The following SLCO3A1 variants were observed in gnomAD, a reference collection of about 807,000 sequenced individuals.
SLCO3A1 encodes PGE1 transporter.
In SLCO3A1, 27 loss-of-function variants were observed where a neutral mutation model predicts 63.1. The ratio of observed to expected loss-of-function variants is 0.43; its 90% confidence interval spans 0.32 to 0.59. The LOEUF is 0.59. SLCO3A1 is among the 20% of genes least tolerant of loss of function. SLCO3A1 has a pLI of 0.09. For missense variants in SLCO3A1, 773 were observed against 945.8 expected, an observed-to-expected ratio of 0.82 and a Z score of 2.40; for synonymous variants, 473 against 409.9, an observed-to-expected ratio of 1.15 and a Z score of -1.86.
At chr15:91,874,483 C>T (rs1377566241) in intron 1 of SLCO3A1, among the ~76,000 whole-genome samples, 2 of 152,196 alleles carry the variant, frequency 1.3e-5, no homozygotes, top group Non-Finnish European at 2.9e-5. Flanking sequence ...ACCCTAGGGC[C>T]TCATATACAG....
At chr15:92,056,698 G>A (rs974145506) in intron 2 of SLCO3A1, among the ~76,000 whole-genome samples, 4 of 152,094 alleles carry the variant, frequency 2.6e-5, no homozygotes, top group Admixed American at 6.6e-5. Flanking sequence ...GACCTTCACC[G>A]CTCTACCTTC....
chr15:92,071,816 G>A (rs185224349), intron 2 of SLCO3A1, among the ~76,000 whole-genome samples: 16 of 152,352 alleles, frequency 1.1e-4, no homozygotes, highest in African/African-American at 3.8e-4. Flanking sequence ...AGGCGGCTGT[G>A]TCTGTGTTTG....
intron 1 of SLCO3A1, chr15:91,889,045 ACCT>A: frequency 2.9e-6 from 2 of 701,320 alleles, no homozygotes; most frequent in Non-Finnish European, 3.8e-6. Flanking sequence ...AAAAAAAAAA[ACCT>A]ACAATTATTA....
intron 1 of SLCO3A1, among the ~76,000 whole-genome samples, chr15:91,914,142 T>C (rs1182790417): frequency 1.3e-5 from 2 of 152,154 alleles, no homozygotes; most frequent in African/African-American, 2.4e-5. Flanking sequence ...TTATCCCCCT[T>C]TTACAGATGG....
At chr15:91,998,933 A>G (rs1216809147) in intron 2 of SLCO3A1, among the ~76,000 whole-genome samples, 1 of 152,242 alleles carries the variant, frequency 6.6e-6, no homozygotes, top group Non-Finnish European at 1.5e-5. Context: ...ATGTGCATAT[A>G]CATCATAGAA....
At chr15:92,042,893 G>GTTTT (rs2046816447) in intron 2 of SLCO3A1, among the ~76,000 whole-genome samples, 1 of 152,102 alleles carries the variant, frequency 6.6e-6, no homozygotes, top group African/African-American at 2.4e-5. Flanking sequence ...TAGGCCATAG[G>GTTTT]AAGTCATCAG....
In SLCO3A1 at chr15:92,165,749, G is replaced by T; in HGVS notation, c.*2614G>T. 1 of 984,264 alleles carries T rather than the reference G, an allele frequency of 1.0e-6. No homozygotes were observed. Among genetic ancestry groups the T allele is most frequent in the Non-Finnish European group, 1.2e-6 (1 of 829,478 alleles). The allele number at this position is 984,264 out of a possible 1,614,324, so 61.0% of individuals were successfully genotyped here. On this transcript the variant is annotated 3_prime_UTR_variant, in exon 10 of 10. Transcript: ENST00000318445. ...AGAAAACTCAGTCTAGTTTTAATTT[G>T]CCTTTTGTGCTCTAAAGAAGCATTG...
chr15:92,147,287 C>A, intron 8 of SLCO3A1, 128 bp downstream of exon 8: 2 of 865,546 alleles, frequency 2.3e-6, no homozygotes, highest in Non-Finnish European at 3.6e-6. Flanking sequence ...CAGCAAGGAG[C>A]GCAGCTTCTC....
chr15:92,003,517 A>G (rs2046279508), intron 2 of SLCO3A1, among the ~76,000 whole-genome samples: 1 of 152,218 alleles, frequency 6.6e-6, no homozygotes, highest in Non-Finnish European at 1.5e-5. Flanking sequence ...AGGATGTCTC[A>G]TCAGTGGACA....
intron 2 of SLCO3A1, among the ~76,000 whole-genome samples, chr15:91,921,293 C>G (rs1898835732): frequency 6.6e-6 from 1 of 152,180 alleles, no homozygotes; most frequent in African/African-American, 2.4e-5. Flanking sequence ...TTAAACCCAC[C>G]CATATTAGCT....
At position 91,854,095 on chromosome 15, in the gene SLCO3A1, CCCCG is replaced by C; in HGVS notation, c.180+8_180+11del. The C allele has an allele frequency of 1.3e-6, 2 of 1,500,336 alleles. No individual in the cohort carries two copies. The highest frequency in any genetic ancestry group is 1.8e-6 in the Non-Finnish European group (2 of 1,119,886). The allele number at this position is 1,500,336 out of a possible 1,614,324, so 92.9% of individuals were successfully genotyped here. ...CACGGTGGGCGCCTACCTGGTGAGT[CCCCG>C]AGCCAACTCCGCCGCGGGCCCCTTC... On this transcript the variant is annotated splice_region_variant and intron_variant, in intron 1 of 9. Transcript: ENST00000318445. This position sits in a 1 kb window ranked among gnomAD's most constrained non-coding sequence, Gnocchi z 6.4.
Position 91,915,897 on chromosome 15 carries a change from C to A in SLCO3A1, c.181-96C>A, listed in dbSNP as rs1007717110. Reference sequence around the variant, plus strand: ...CACCGGAGGCCAGGTGGGAGGGTCCCGGGGGGGATGGGCAGAGCGCACTGT... The same window carrying A: ...CACCGGAGGCCAGGTGGGAGGGTCCAGGGGGGGATGGGCAGAGCGCACTGT... On this transcript the variant is annotated intron_variant, in intron 1 of 9. Transcript: ENST00000318445. 42 of 1,076,476 alleles carry A rather than the reference C, an allele frequency of 3.9e-5. No homozygotes were observed. In the African/African-American group the frequency reaches 6.6e-4, roughly 17 times the overall value. 66.7% of individuals were successfully genotyped at this position (1,076,476 alleles called of 1,614,324 possible). A position where few individuals can be genotyped will look rare whatever the true frequency, so the allele number is the denominator to read the frequency against.
intron 2 of SLCO3A1, among the ~76,000 whole-genome samples, chr15:91,920,573 C>G (rs923918285): frequency 1.2e-4 from 18 of 152,220 alleles, no homozygotes; most frequent in Admixed American, 2.0e-4. Context: ...GGCTGCAAAT[C>G]AGACCTTAGA....
chr15:92,053,653 C>A lies in SLCO3A1; in HGVS notation c.647-41228C>A, dbSNP rs150640454. 2.4e-3 allele frequency among the ~76,000 whole-genome samples: 356 copies of A among 150,640 alleles called. 11 individuals carry two copies. Among genetic ancestry groups the A allele is most frequent in the Admixed American group, 0.023 (342 of 15,032 alleles). ...CTGGTTAGGGGTTTTGTAGAAGCTC[C>A]CTCAGTTGTGATTTTATGTTTTGTT... On this transcript the variant is annotated intron_variant, in intron 2 of 9. Coordinates refer to ENST00000318445, the MANE Select transcript of SLCO3A1 (RefSeq NM_013272.4).
chr15:91,932,396 C>T lies in SLCO3A1; in HGVS notation c.646+15938C>T, dbSNP rs1899267773. ...TGTTTTATCTCTACCCCTACCTGGC[C>T]TCCCTTCTCCGTGATTATTTTGAAG... is the stretch of plus-strand genomic sequence containing the variant. On this transcript the variant is annotated intron_variant, in intron 2 of 9. Coordinates refer to ENST00000318445, the MANE Select transcript of SLCO3A1 (RefSeq NM_013272.4). Among the ~76,000 whole-genome samples, 3 of 152,096 alleles carry T rather than the reference C, an allele frequency of 2.0e-5. No homozygotes were observed. The South Asian group carries it at 6.2e-4, about 32-fold the overall frequency.
intron 2 of SLCO3A1, among the ~76,000 whole-genome samples, chr15:91,926,673 T>C (rs1899043855): frequency 6.6e-6 from 1 of 151,636 alleles, no homozygotes; most frequent in Admixed American, 6.6e-5. Context: ...GGGTGGCTAG[T>C]GGACACTCAT....
At chr15:91,880,301 T>A (rs927785386) in intron 1 of SLCO3A1, among the ~76,000 whole-genome samples, 1 of 151,864 alleles carries the variant, frequency 6.6e-6, no homozygotes, top group Non-Finnish European at 1.5e-5. Context: ...ATTGCAAAAC[T>A]GTAGTATAAC....
chr15:92,118,987 C>G (rs570773474), intron 4 of SLCO3A1, among the ~76,000 whole-genome samples: 2 of 152,172 alleles, frequency 1.3e-5, no homozygotes, highest in Non-Finnish European at 2.9e-5. Flanking sequence ...CTTTTTGTAG[C>G]CTAGCAGTGT....
At chr15:91,926,653 C>G (rs1342205962) in intron 2 of SLCO3A1, among the ~76,000 whole-genome samples, 1 of 148,366 alleles carries the variant, frequency 6.7e-6, no homozygotes. Context: ...TATGAAGATA[C>G]CAAAGCCTTG....
Sources: gnomAD v4.1 joint callset for allele counts (sites outside exome capture counted in the v4.1 genomes callset) on GRCh38, gnomAD v4.1.1 for gene constraint, Gnocchi (gnomAD v3.1) non-coding constraint, MANE v1.5 for transcripts, NCBI Gene and HGNC (gene_info 2026-07-23, HGNC 2026-07-21) for gene names.